RPS6KC1: variants seen among roughly 807,000 people sequenced by gnomAD.
The protein encoded by RPS6KC1 is inactive ribosomal protein S6 kinase delta-1.
Under a neutral mutation model 103.8 loss-of-function variants are expected in RPS6KC1, and 54 were observed. The ratio of observed to expected loss-of-function variants is 0.52; its 90% CI spans 0.42 to 0.65. RPS6KC1 has a LOEUF of 0.65. RPS6KC1 is among the 30% of genes least tolerant of loss of function. The pLI is 0.00. For synonymous variants in RPS6KC1, 439 were observed against 438.7 expected (o/e 1.00, Z -0.01); for missense variants, 1,151 against 1,253.8 (o/e 0.92, Z 1.24).
At chr1:213,676,615 T>C in the RPS6KC1 span, among the ~76,000 whole-genome samples, 1 of 152,214 alleles carries the variant, frequency 6.6e-6, no homozygotes, top group Admixed American at 6.5e-5. Context: ...CTGTTCACAT[T>C]GCACCAAGTT....
At chr1:213,775,351 T>A in the RPS6KC1 span, among the ~76,000 whole-genome samples, 1 of 152,204 alleles carries the variant, frequency 6.6e-6, no homozygotes, top group Non-Finnish European at 1.5e-5. Context: ...TTTAATTTTC[T>A]TCCCTAAATT....
chr1:213,297,079 G>T, the RPS6KC1 span, among the ~76,000 whole-genome samples: 1,022 of 152,284 alleles, frequency 6.7e-3, 16 homozygotes, highest in South Asian at 0.062. Flanking sequence ...AGGGAGAAAT[G>T]CAGTCATATC....
At chr1:213,164,436 G>A (rs1447365663) in intron 6 of RPS6KC1, among the ~76,000 whole-genome samples, 1 of 152,192 alleles carries the variant, frequency 6.6e-6, no homozygotes, top group Non-Finnish European at 1.5e-5. Flanking sequence ...CACCCTGTAT[G>A]ATCAGAAATT....
chr1:213,843,819 C>T, the RPS6KC1 span, among the ~76,000 whole-genome samples: 1 of 152,060 alleles, frequency 6.6e-6, no homozygotes, highest in African/African-American at 2.4e-5. Context: ...CCTTTCTTTT[C>T]TAACCCCTTC....
In RPS6KC1 at chr1:213,104,581, T is replaced by C; in HGVS notation, c.378+12T>C. 1 of 1,399,178 alleles carries C rather than the reference T, an allele frequency of 7.1e-7. No individual in the cohort carries two copies. The highest frequency in any genetic ancestry group is 1.0e-6 in the Non-Finnish European group (1 of 1,001,870). The allele number at this position is 1,399,178 out of a possible 1,614,324, so 86.7% of individuals were successfully genotyped here. The stretch of plus-strand genomic sequence containing the variant: ...AAGACTTTTTCAAGGTTTGGTAGTC[T>C]TTCTGGAATATTTTATATCTTATTA... On this transcript the variant is annotated intron_variant, in intron 4 of 14. Coordinates refer to ENST00000366960, the MANE Select transcript of RPS6KC1 (RefSeq NM_012424.6).
chr1:213,566,435 TAG>T, the RPS6KC1 span, among the ~76,000 whole-genome samples: 3 of 124,870 alleles, frequency 2.4e-5, 1 homozygote, highest in Non-Finnish European at 1.7e-5. Context: ...TCTCAGCCTT[TAG>T]TTTTTTTTTT....
the RPS6KC1 span, among the ~76,000 whole-genome samples, chr1:213,732,379 G>A: frequency 6.6e-6 from 1 of 151,496 alleles, no homozygotes; most frequent in Non-Finnish European, 1.5e-5. Context: ...GTGTGTGTAA[G>A]CCTAAAATAG....
At chr1:213,691,012 A>T in the RPS6KC1 span, among the ~76,000 whole-genome samples, 2 of 152,072 alleles carry the variant, frequency 1.3e-5, no homozygotes, top group African/African-American at 4.8e-5. Flanking sequence ...AGAGAGTGTG[A>T]GAGAAGTCCC....
chr1:213,664,217 C>T, the RPS6KC1 span, among the ~76,000 whole-genome samples: 3 of 138,682 alleles, frequency 2.2e-5, no homozygotes, highest in Admixed American at 7.7e-5. Context: ...GGGAGGGGAG[C>T]GCTCTGAGAA....
chr1:213,679,994 G>A, the RPS6KC1 span, among the ~76,000 whole-genome samples: 44 of 152,114 alleles, frequency 2.9e-4, no homozygotes, highest in South Asian at 8.9e-3. Flanking sequence ...AGAAAGATTT[G>A]CTTTAATTTT....
chr1:213,812,718 C>G, the RPS6KC1 span, among the ~76,000 whole-genome samples: 2 of 152,084 alleles, frequency 1.3e-5, no homozygotes, highest in African/African-American at 2.4e-5. Flanking sequence ...CAGAGCAAGC[C>G]TTGAGGGAAC....
At chr1:213,758,788 C>T in the RPS6KC1 span, among the ~76,000 whole-genome samples, 12 of 152,026 alleles carry the variant, frequency 7.9e-5, no homozygotes, top group Admixed American at 6.6e-4. Flanking sequence ...GCTGCAATCT[C>T]GTGGTAAAAC....
the RPS6KC1 span, among the ~76,000 whole-genome samples, chr1:213,771,525 G>A: frequency 1.3e-5 from 2 of 152,220 alleles, no homozygotes; most frequent in Admixed American, 6.5e-5. Flanking sequence ...CCGGAGGAGA[G>A]GGAAATGGCT....
the RPS6KC1 span, among the ~76,000 whole-genome samples, chr1:213,531,783 T>C: frequency 2.1e-3 from 316 of 152,310 alleles, no homozygotes; most frequent in African/African-American, 7.4e-3. Flanking sequence ...ATGTATTGAA[T>C]TGTACCTGTG....
At chr1:213,307,539 G>A in the RPS6KC1 span, among the ~76,000 whole-genome samples, 2,360 of 152,210 alleles carry the variant, frequency 0.016, 72 homozygotes, top group African/African-American at 0.054. Flanking sequence ...TTAAAGTCCC[G>A]TATCCTATTT....
the RPS6KC1 span, among the ~76,000 whole-genome samples, chr1:213,629,639 G>A: frequency 4.6e-5 from 7 of 151,876 alleles, no homozygotes; most frequent in East Asian, 1.4e-3. Context: ...ATGTTAGCTG[G>A]TTATTTTGCT....
At chr1:213,668,568 C>T in the RPS6KC1 span, among the ~76,000 whole-genome samples, 10,730 of 152,000 alleles carry the variant, frequency 0.071, 1,085 homozygotes, top group African/African-American at 0.22. Flanking sequence ...ATTTTCAGAA[C>T]GATCAGTGAG....
At chr1:213,447,178 C>T in the RPS6KC1 span, among the ~76,000 whole-genome samples, 1 of 152,100 alleles carries the variant, frequency 6.6e-6, no homozygotes, top group East Asian at 1.9e-4. Context: ...AGCGATCCTC[C>T]TACCTCAGCC....
the RPS6KC1 span, among the ~76,000 whole-genome samples, chr1:213,651,466 C>T: frequency 1.2e-4 from 18 of 152,216 alleles, no homozygotes; most frequent in Non-Finnish European, 2.4e-4. Context: ...ATCATTTAAT[C>T]CTCACAACCA....
Sources: allele counts gnomAD v4.1 joint callset (sites outside exome capture counted in the v4.1 genomes callset), GRCh38; gene constraint gnomAD v4.1.1; transcripts MANE v1.5; gene names NCBI Gene and HGNC (gene_info 2026-07-23, HGNC 2026-07-21).